The following TTN variants were observed in gnomAD, a reference collection of about 807,000 sequenced individuals.
The protein encoded by TTN is connectin.
Under a neutral mutation model 3,223.0 loss-of-function variants are expected in TTN, and 1,525 were observed. That is an observed-to-expected ratio of 0.47 (90% CI 0.45 to 0.49). TTN has a LOEUF of 0.49. Among genes scored for constraint, TTN ranks in the 20% least tolerant of loss-of-function variants. TTN has a pLI of 0.00. For synonymous variants in TTN, 14,094 were observed against 15,161.0 expected, an observed-to-expected ratio of 0.93 and a Z score of 5.17; for missense variants, 40,786 against 43,424.0, an observed-to-expected ratio of 0.94 and a Z score of 5.40.
Position 178,664,867 on chromosome 2 carries a change from G to T in TTN, c.36103C>A (p.Pro12035Thr), listed in dbSNP as rs2065625146. The T allele has an allele frequency of 5.6e-6, 9 of 1,611,408 alleles. No individual in the cohort carries two copies. The highest frequency in any genetic ancestry group is 4.5e-5 in the East Asian group (2 of 44,844). ...AKTVPSKKRE[P>T]PSVKVPEALQ... ...TGACTTGTACCTTTAACTGATGGGG[G>T]TTCTCTTTTTTTGGAAGGAACTGTC... Residue 12035 changes from proline to threonine, a missense_variant, in exon 166 of 363, where the codon CCC becomes ACC. By Grantham distance (38) the Pro-to-Thr change is conservative (BLOSUM62 -1). Transcript: ENST00000589042.
intron 52 of TTN, 132 bp from the exon 53 acceptor site, chr2:178,734,024 A>G: frequency 1.1e-6 from 1 of 948,872 alleles, no homozygotes; most frequent in Non-Finnish European, 1.5e-6. Context: ...TAATTAGAAG[A>G]AGAAATAAAA....
chr2:178,616,223 C>G (rs1272333697), intron 257 of TTN, among the ~76,000 whole-genome samples: 1 of 151,616 alleles, frequency 6.6e-6, no homozygotes, highest in Admixed American at 6.6e-5. Context: ...TAGCAGGTAC[C>G]AAGTCAGTAG....
intron 223 of TTN, among the ~76,000 whole-genome samples, chr2:178,639,170 A>C (rs2060901176): frequency 6.6e-6 from 1 of 151,988 alleles, no homozygotes; most frequent in African/African-American, 2.4e-5. Flanking sequence ...ATTGTGGTAA[A>C]ATATACCTAA....
rs778444893 is a variant in TTN at position 178,560,323 on chromosome 2, T to C, written c.85809A>G (p.Lys28603=). 1.2e-6 allele frequency: 2 copies of C among 1,613,778 alleles called. No individual in the cohort carries two copies. Among genetic ancestry groups the C allele is most frequent in the South Asian group, 2.2e-5 (2 of 91,080 alleles). Residue 28603 remains lysine, a synonymous_variant, in exon 326 of 363, where the codon AAA becomes AAG. Coordinates refer to ENST00000589042, the MANE Select transcript of TTN (RefSeq NM_001267550.2). ...ATTTCACTCTTAGATCATAAACTGG[T>C]TTTTTGTTTACACGCACCCATCTTA... ...NSLRWVRVNK[K]PVYDLRVKST...
intron 217 of TTN, among the ~76,000 whole-genome samples, chr2:178,645,366 G>GA (rs1187488174): frequency 5.3e-5 from 8 of 149,822 alleles, no homozygotes; most frequent in Admixed American, 4.7e-4. Context: ...TAAGTTGCAA[G>GA]AAAAAAAAAG....
rs1700614301 is a variant in TTN, at chr2:178,554,601, A to G, written c.88746T>C (p.Ser29582=). 1 of 1,613,802 alleles carries G rather than the reference A, an allele frequency of 6.2e-7. No homozygotes were observed. The highest frequency in any genetic ancestry group is 1.7e-5 in the Admixed American group (1 of 59,990). Residue 29582 remains serine, a synonymous_variant, in exon 332 of 363, where the codon TCT becomes TCC. Transcript: ENST00000589042. Reference sequence around the variant, plus strand: ...ACTCTTCCAAATGTTCAGACACCATAGACCACACAACGCGGCTTGTCTCAC... The same window carrying G: ...ACTCTTCCAAATGTTCAGACACCATGGACCACACAACGCGGCTTGTCTCAC... ...EKRETSRVVW[S]MVSEHLEECI... is the part of the protein sequence containing the mutation.
intron 308 of TTN, 63 bp from the exon 309 acceptor site, chr2:178,585,410 C>A: frequency 6.7e-7 from 1 of 1,501,928 alleles, no homozygotes; most frequent in South Asian, 1.4e-5. Context: ...TGGTGGAGAG[C>A]TATACTGGTG....
chr2:178,755,657 T>A (rs2154334425), intron 46 of TTN, among the ~76,000 whole-genome samples: 1 of 152,288 alleles, frequency 6.6e-6, no homozygotes, highest in Non-Finnish European at 1.5e-5. Context: ...TTAGCCAGGC[T>A]GGTCTCAAAC....
At position 178,570,370 on chromosome 2, in the gene TTN, C is replaced by A. The variant is rs374003257; in HGVS notation, c.75762G>T (p.Val25254=). The A allele has an allele frequency of 4.9e-4, 793 of 1,613,078 alleles. No individual in the cohort carries two copies. Among genetic ancestry groups the A allele is most frequent in the Non-Finnish European group, 6.3e-4 (749 of 1,179,604 alleles). ...TGAGAGTCTGCACATTGGCATCAAC[C>A]ACAGTCCAAACTAAGCGGCTGGTTT... The part of the protein sequence containing the change: ...RRETSRLVWT[V]VDANVQTLSC... The change falls in exon 326 of 363, where the codon GTG becomes GTT. Residue 25254 remains valine, a synonymous_variant. Coordinates refer to ENST00000589042, the MANE Select transcript of TTN (RefSeq NM_001267550.2).
rs769875081 is a variant in TTN, at chr2:178,718,522, G to C, written c.24584C>G (p.Thr8195Ser). 1 of 1,613,636 alleles carries C rather than the reference G, an allele frequency of 6.2e-7. No individual in the cohort carries two copies. Among genetic ancestry groups the C allele is most frequent in the East Asian group, 2.2e-5 (1 of 44,866 alleles). ...GCTCACTGAGATTGGAGGTGTGCCAGTGTATGTGGCCTCGAGAACTATGGG... is the reference window on the plus strand; with the variant it reads ...GCTCACTGAGATTGGAGGTGTGCCACTGTATGTGGCCTCGAGAACTATGGG... ...GSPIVLEATY[T>S]GTPPISVSWI... Residue 8195 changes from threonine (T) to serine (S), a missense_variant, in exon 85 of 363, where the codon ACT (threonine) becomes AGT (serine). By Grantham distance (58) the Thr-to-Ser change is moderately conservative. Transcript: ENST00000589042.
intron 135 of TTN, among the ~76,000 whole-genome samples, chr2:178,682,400 CT>C (rs1374230388): frequency 1.3e-5 from 2 of 151,904 alleles, no homozygotes; most frequent in African/African-American, 4.8e-5. Context: ...AACTTGTAAC[CT>C]TTTTGAAAAA....
At chr2:178,786,287 A>T in intron 13 of TTN, 146 bp from the exon 14 acceptor site, 1 of 810,766 alleles carries the variant, frequency 1.2e-6, no homozygotes, top group South Asian at 1.6e-5. Flanking sequence ...ACTTTTAGGG[A>T]CTATTTCATT....
intron 218 of TTN, among the ~76,000 whole-genome samples, chr2:178,643,683 T>C (rs891386725): frequency 1.3e-5 from 2 of 151,926 alleles, no homozygotes; most frequent in African/African-American, 2.4e-5. Flanking sequence ...TCATTATATG[T>C]GATTATATGC....
At position 178,605,472 on chromosome 2, in the gene TTN, A is replaced by T; in HGVS notation, c.53823T>A (p.Asn17941Lys). 6.2e-7 allele frequency: 1 copy of T among 1,611,934 alleles called. No individual in the cohort carries two copies. The highest frequency in any genetic ancestry group is 8.5e-7 in the Non-Finnish European group (1 of 1,178,676). The change falls in exon 279 of 363, where the codon AAT becomes AAA. Residue 17941 changes from asparagine (N) to lysine (K), a missense_variant. Coordinates refer to ENST00000589042, the MANE Select transcript of TTN (RefSeq NM_001267550.2). ...QMYEFRVKAV[N>K]EIGESEPSLP... Reference sequence around the variant, plus strand: ...GGGATGGTTCACTTTCACCAATTTCATTGACAGCTTTGACACGGAACTCAT... The same window carrying T: ...GGGATGGTTCACTTTCACCAATTTCTTTGACAGCTTTGACACGGAACTCAT...
intron 124 of TTN, 70 bp downstream of exon 124, chr2:178,689,220 A>T (rs1332221340): frequency 1.9e-6 from 3 of 1,591,514 alleles, no homozygotes; most frequent in Non-Finnish European, 2.6e-6. Context: ...CCCACAGTGC[A>T]CTCATATCAC....
chr2:178,534,077 T>G lies in TTN; in HGVS notation c.102538A>C (p.Ser34180Arg). The change falls in exon 358 of 363, where the codon AGT becomes CGT. Residue 34180 changes from serine (S) to arginine (R), a missense_variant. Transcript: ENST00000589042. ...TCGTAGGTGATTTCGTATTTCTCAC[T>G]GTTCTCCAGCTGTCGGACGCCAAAG... ...WYFGVRQLEN[S>R]EKYEITYEDG... 1 of 1,614,000 alleles carries G rather than the reference T, an allele frequency of 6.2e-7. No individual in the cohort carries two copies. The highest frequency in any genetic ancestry group is 8.5e-7 in the Non-Finnish European group (1 of 1,179,858).
chr2:178,718,723 A>G lies in TTN; in HGVS notation c.24477T>C (p.Ala8159=), dbSNP rs2154299701. The G allele has an allele frequency of 6.2e-6, 10 of 1,613,754 alleles. No individual in the cohort carries two copies. The highest frequency in any genetic ancestry group is 8.5e-6 in the Non-Finnish European group (10 of 1,179,728). The change falls in exon 84 of 363, where the codon GCT becomes GCC. Residue 8159 remains alanine (A), a synonymous_variant. Coordinates refer to ENST00000589042, the MANE Select transcript of TTN (RefSeq NM_001267550.2). ...SCLVTNDAGS[A]SCTTHLFVKE... is the part of the protein sequence containing the mutation. The stretch of plus-strand genomic sequence containing the variant: ...TCACAAAAAGATGTGTGGTACAGGA[A>G]GCACTGCCAGCATCATTTGTAACGA...
intron 47 of TTN, chr2:178,745,607 A>G: frequency 6.2e-7 from 1 of 1,612,696 alleles, no homozygotes; most frequent in Non-Finnish European, 8.5e-7. Flanking sequence ...GAGTGCTGCA[A>G]AGCTCTCAGC....
At position 178,649,247 on chromosome 2, in the gene TTN, C is replaced by A; in HGVS notation, c.40057+1G>T. 2.0e-6 allele frequency: 3 copies of A among 1,499,938 alleles called. No individual in the cohort carries two copies. The highest frequency in any genetic ancestry group is 2.7e-6 in the Non-Finnish European group (3 of 1,130,034). 92.9% of individuals were successfully genotyped at this position (1,499,938 alleles called of 1,614,324 possible). On this transcript the variant is annotated splice_donor_variant, in intron 213 of 362. Transcript: ENST00000589042. LOFTEE classifies it high-confidence loss of function. The stretch of plus-strand genomic sequence containing the variant: ...ATCTATTTTTTCTTCATGGTAGGTA[C>A]CTTTTTCTGGAAGAACTTCTGGTTT...
Sources: allele counts gnomAD v4.1 joint callset (sites outside exome capture counted in the v4.1 genomes callset), GRCh38; gene constraint gnomAD v4.1.1; transcripts MANE v1.5; gene names NCBI Gene and HGNC (gene_info 2026-07-23, HGNC 2026-07-21).